Variants in DOCK7 observed in about 807,000 individuals in gnomAD.
DOCK7 encodes the protein dedicator of cytokinesis 7, also known as dedicator of cytokinesis protein 7.
A neutral mutation model predicts 271.0 loss-of-function variants in DOCK7; 138 were observed. The ratio of observed to expected loss-of-function variants is 0.51; its 90% CI spans 0.44 to 0.59. The LOEUF is 0.59. DOCK7 is among the 20% of genes least tolerant of loss of function. DOCK7 has a pLI of 0.00. For synonymous variants in DOCK7, 823 were observed against 876.1 expected, an observed-to-expected ratio of 0.94 and a Z score of 1.07; for missense variants, 2,066 against 2,592.4, an observed-to-expected ratio of 0.80 and a Z score of 4.41.
chr1:62,583,090 A>T, intron 16 of DOCK7, 94 bp downstream of exon 16: 1 of 1,000,814 alleles, frequency 1.0e-6, no homozygotes, highest in Non-Finnish European at 1.5e-6. Flanking sequence ...TGGCACATTT[A>T]GTGCAGCAAA....
At chr1:62,620,045 C>T in intron 12 of DOCK7, 52 bp from the exon 13 acceptor site, 1 of 1,391,798 alleles carries the variant, frequency 7.2e-7, no homozygotes. Flanking sequence ...TATAGCCAGG[C>T]ACAGTGGCTC....
intron 28 of DOCK7, 32 bp downstream of exon 28, chr1:62,537,859 T>C: frequency 1.3e-6 from 2 of 1,581,524 alleles, no homozygotes; most frequent in Non-Finnish European, 1.7e-6. Flanking sequence ...AAAGTGACTT[T>C]AAATATATGT....
At position 62,485,007 on chromosome 1, in the gene DOCK7, G is replaced by A. The variant is rs375330150; in HGVS notation, c.5508+2391C>T. The A allele has an allele frequency of 3.5e-5, 11 of 310,892 alleles. No individual in the cohort carries two copies. The South Asian group carries it at 7.6e-4, about 22-fold the overall frequency. 19.3% of individuals were successfully genotyped at this position (310,892 alleles called of 1,614,324 possible). A position where few individuals can be genotyped will look rare whatever the true frequency, so the allele number is the denominator to read the frequency against. Reference sequence around the variant, plus strand: ...TACAAAAAATTAGCTGGTGGCATGCGCCTACAGTCCTAGCTACTCGGGAGG... The same window carrying A: ...TACAAAAAATTAGCTGGTGGCATGCACCTACAGTCCTAGCTACTCGGGAGG... On this transcript the variant is annotated intron_variant, in intron 43 of 49. Coordinates refer to ENST00000635253, the MANE Select transcript of DOCK7 (RefSeq NM_001367561.1).
intron 18 of DOCK7, among the ~76,000 whole-genome samples, chr1:62,574,254 A>G (rs1049976061): frequency 6.6e-6 from 1 of 152,330 alleles, no homozygotes; most frequent in South Asian, 2.1e-4. Flanking sequence ...GAACATCATT[A>G]AAGTTTGGAA....
At chr1:62,664,380 G>A (rs999903571) in intron 1 of DOCK7, among the ~76,000 whole-genome samples, 21 of 152,076 alleles carry the variant, frequency 1.4e-4, no homozygotes, top group African/African-American at 4.3e-4. Flanking sequence ...GGTTTTATAA[G>A]GGGTTTCCCC....
At chr1:62,586,683 C>T in intron 14 of DOCK7, 59 bp from the exon 15 acceptor site, 1 of 1,007,426 alleles carries the variant, frequency 9.9e-7, no homozygotes, top group Non-Finnish European at 1.5e-6. Context: ...CTATGTATCA[C>T]TCACAAAATA....
chr1:62,499,449 A>G (rs1571306026), intron 37 of DOCK7, among the ~76,000 whole-genome samples: 1 of 152,318 alleles, frequency 6.6e-6, no homozygotes, highest in Admixed American at 6.5e-5. Flanking sequence ...TATTAGAAAA[A>G]TGGGAGGTTG....
chr1:62,541,272 A>T (rs1429802112), intron 25 of DOCK7, among the ~76,000 whole-genome samples: 2 of 152,204 alleles, frequency 1.3e-5, no homozygotes, highest in Non-Finnish European at 2.9e-5. Flanking sequence ...GTGCCTTAGT[A>T]ATACCTAGGC....
chr1:62,586,201 C>G (rs1647496242), intron 15 of DOCK7, among the ~76,000 whole-genome samples: 1 of 152,132 alleles, frequency 6.6e-6, no homozygotes, highest in Non-Finnish European at 1.5e-5. Flanking sequence ...TGATAGAGTT[C>G]TCTAGGTGAT....
At chr1:62,601,123 A>G (rs918815971) in intron 14 of DOCK7, 4 of 1,610,432 alleles carry the variant, frequency 2.5e-6, no homozygotes, top group Admixed American at 3.3e-5. Flanking sequence ...AAATTTCTCT[A>G]TCTTCCAAGC....
In DOCK7 at chr1:62,604,236, G is replaced by T. The variant is rs398122985; in HGVS notation, c.1682+14470C>A. On this transcript the variant is annotated intron_variant, in intron 14 of 49. Transcript: ENST00000635253. The stretch of plus-strand genomic sequence containing the variant: ...TTCAACTGTCCAGAGGGTTATTCAG[G>T]TATCTTTTTCTGATACCAATACTTT... 9 of 1,612,852 alleles carry T rather than the reference G, an allele frequency of 5.6e-6. No homozygotes were observed. Among genetic ancestry groups the T allele is most frequent in the African/African-American group, 1.3e-5 (1 of 74,928 alleles).
chr1:62,569,410 C>T (rs1646691343), intron 18 of DOCK7, among the ~76,000 whole-genome samples: 2 of 152,108 alleles, frequency 1.3e-5, no homozygotes, highest in East Asian at 3.9e-4. Flanking sequence ...GGCTTCAACC[C>T]CGAGATGCAA....
intron 31 of DOCK7, among the ~76,000 whole-genome samples, chr1:62,522,974 G>C (rs1033264880): frequency 6.6e-6 from 1 of 151,766 alleles, no homozygotes; most frequent in African/African-American, 2.4e-5. Flanking sequence ...TATCAAGCAC[G>C]AATAATAAAT....
At chr1:62,468,336 G>A (rs1162273531) in intron 48 of DOCK7, among the ~76,000 whole-genome samples, 2 of 146,572 alleles carry the variant, frequency 1.4e-5, no homozygotes, top group East Asian at 3.9e-4. Context: ...ACTCCGGCCT[G>A]GGCAACAGAG....
In DOCK7 at chr1:62,686,157, C is replaced by CATTTTT. The variant is rs1661699881; in HGVS notation, c.38+2069_38+2070insAAAAAT. Among the ~76,000 whole-genome samples the CATTTTT allele has an allele frequency of 1.7e-3, 7 of 4,204 alleles. 3 individuals are homozygous for CATTTTT. Among genetic ancestry groups the CATTTTT allele is most frequent in the Admixed American group, 0.015 (2 of 136 alleles). The allele number at this position is 4,204 out of a possible 152,430, so 2.8% of individuals were successfully genotyped here. A position where few individuals can be genotyped will look rare whatever the true frequency, so the allele number is the denominator to read the frequency against. ...ACTAGGAATACATGTCAAGTAATAA[C>CATTTTT]TTTTTTTTTTTTTTTTTTTTTTTTT... On this transcript the variant is annotated intron_variant, in intron 1 of 49. Transcript: ENST00000635253.
At chr1:62,615,960 C>G (rs969378968) in intron 14 of DOCK7, among the ~76,000 whole-genome samples, 23 of 151,678 alleles carry the variant, frequency 1.5e-4, no homozygotes, top group African/African-American at 5.3e-4. Context: ...TTAGCCTTAC[C>G]AATACTAACC....
At chr1:62,560,322 A>G (rs1196347006) in intron 19 of DOCK7, among the ~76,000 whole-genome samples, 1 of 152,094 alleles carries the variant, frequency 6.6e-6, no homozygotes, top group Non-Finnish European at 1.5e-5. Flanking sequence ...CATATTCTCC[A>G]TGGAAAATCA....
intron 37 of DOCK7, 103 bp from the exon 38 acceptor site, chr1:62,496,600 T>A: frequency 9.3e-7 from 1 of 1,075,870 alleles, no homozygotes; most frequent in Non-Finnish European, 1.3e-6. Context: ...AATACCATTC[T>A]AAGCAAAATA....
chr1:62,688,338 C>A lies in DOCK7; in HGVS notation c.-74G>T. On this transcript the variant is annotated 5_prime_UTR_variant, in exon 1 of 50. Transcript: ENST00000635253. Reference sequence around the variant, plus strand: ...GCGGACCGGCGGGCGCGTGCCTCCTCGCTCGTGCTCCCTCCCTCGCGGCCT... The same window carrying A: ...GCGGACCGGCGGGCGCGTGCCTCCTAGCTCGTGCTCCCTCCCTCGCGGCCT... 1 of 1,013,246 alleles carries A rather than the reference C, an allele frequency of 9.9e-7. No homozygotes were observed. The highest frequency in any genetic ancestry group is 1.2e-6 in the Non-Finnish European group (1 of 805,152). The allele number at this position is 1,013,246 out of a possible 1,614,324, so 62.8% of individuals were successfully genotyped here.
Sources: allele counts gnomAD v4.1 joint callset (sites outside exome capture counted in the v4.1 genomes callset), GRCh38; gene constraint gnomAD v4.1.1; transcripts MANE v1.5; gene names NCBI Gene and HGNC (gene_info 2026-07-23, HGNC 2026-07-21).